KIF13A: variants seen among roughly 807,000 people sequenced by gnomAD.
KIF13A encodes kinesin-like protein KIF13A.
Under a neutral mutation model 212.2 loss-of-function variants are expected in KIF13A, and 79 were observed. That is an observed-to-expected ratio of 0.37 (90% CI 0.31 to 0.45). The LOEUF is 0.45. Among genes scored for constraint, KIF13A ranks in the 20% least tolerant of loss-of-function variants. The probability of loss-of-function intolerance (pLI) is 1.00; values close to 1 mark genes in which losing one functional copy is unlikely to be tolerated. For synonymous variants in KIF13A, 789 were observed against 808.6 expected, an observed-to-expected ratio of 0.98 and a Z score of 0.41; for missense variants, 1,901 against 2,209.0, an observed-to-expected ratio of 0.86 and a Z score of 2.79.
chr6:17,777,409 A>C lies in KIF13A; in HGVS notation c.4093-55T>G. The stretch of plus-strand genomic sequence containing the variant: ...TTTTTTTTTTTTTCCCCAGAGACAG[A>C]GTCTCACTCTGTTGCCCAGGCTGGA... On this transcript the variant is annotated intron_variant, in intron 33 of 38. Coordinates refer to ENST00000259711, the MANE Select transcript of KIF13A (RefSeq NM_022113.6). The surrounding 1 kb of genome is among the most constrained non-coding windows in gnomAD (Gnocchi z 4.4). 1 of 1,396,068 alleles carries C rather than the reference A, an allele frequency of 7.2e-7. No homozygotes were observed. The highest frequency in any genetic ancestry group is 2.5e-5 in the East Asian group (1 of 40,526). The allele number at this position is 1,396,068 out of a possible 1,614,324, so 86.5% of individuals were successfully genotyped here. A position where few individuals can be genotyped will look rare whatever the true frequency, so the allele number is the denominator to read the frequency against.
intron 2 of KIF13A, among the ~76,000 whole-genome samples, chr6:17,940,165 T>C (rs1776833805): frequency 7.3e-6 from 1 of 137,368 alleles, no homozygotes; most frequent in South Asian, 2.3e-4. Context: ...TTCTTTCCTT[T>C]CCTCCTCCTC....
intron 20 of KIF13A, among the ~76,000 whole-genome samples, chr6:17,802,491 T>C (rs1414755237): frequency 1.3e-5 from 2 of 152,106 alleles, no homozygotes; most frequent in African/African-American, 4.8e-5. Context: ...GGTTTCTCCA[T>C]GTTGGTCAGG....
chr6:17,863,624 A>C (rs1455532257), intron 4 of KIF13A, among the ~76,000 whole-genome samples: 1 of 152,156 alleles, frequency 6.6e-6, no homozygotes, highest in Non-Finnish European at 1.5e-5. Context: ...AAGCCTAAAA[A>C]GGCACTATGA....
chr6:17,926,484 G>C lies in KIF13A; in HGVS notation c.147-28304C>G, dbSNP rs903499637. ...CAGCCTCAAGTGATCTGCCTGCCTCGGCCTCCCAAAGTGCTGGTATTACAG... is the reference window on the plus strand; with the variant it reads ...CAGCCTCAAGTGATCTGCCTGCCTCCGCCTCCCAAAGTGCTGGTATTACAG... On this transcript the variant is annotated intron_variant, in intron 2 of 38. Coordinates refer to ENST00000259711, the MANE Select transcript of KIF13A (RefSeq NM_022113.6). The surrounding 1 kb of genome is among the most constrained non-coding windows in gnomAD (Gnocchi z 4.3). Among the ~76,000 whole-genome samples, 2 of 152,042 alleles carry C rather than the reference G, an allele frequency of 1.3e-5. No individual in the cohort carries two copies. The highest frequency in any genetic ancestry group is 2.4e-5 in the African/African-American group (1 of 41,392).
chr6:17,896,178 A>C (rs1380127956), intron 3 of KIF13A, among the ~76,000 whole-genome samples: 3 of 152,078 alleles, frequency 2.0e-5, no homozygotes, highest in East Asian at 1.9e-4. Context: ...TGGTTGAAAA[A>C]AATTTGCATA....
At chr6:17,972,452 T>C (rs1779886061) in intron 2 of KIF13A, among the ~76,000 whole-genome samples, 1 of 152,226 alleles carries the variant, frequency 6.6e-6, no homozygotes, top group Non-Finnish European at 1.5e-5. Flanking sequence ...CATTCTCTCT[T>C]TAGCTGGGAA....
At chr6:17,820,542 G>C (rs1227883715) in intron 16 of KIF13A, among the ~76,000 whole-genome samples, 1 of 152,150 alleles carries the variant, frequency 6.6e-6, no homozygotes, top group Non-Finnish European at 1.5e-5. Context: ...ATGTGGCCCA[G>C]GACGGAAGCC....
At chr6:17,782,598 G>T (rs1438894152) in intron 29 of KIF13A, among the ~76,000 whole-genome samples, 3 of 151,968 alleles carry the variant, frequency 2.0e-5, no homozygotes, top group Non-Finnish European at 4.4e-5. Context: ...TCATGCCACT[G>T]TACTCCAGCC....
chr6:17,759,183 T>C (rs1561938077), downstream of KIF13A: 1 of 152,136 alleles, frequency 6.6e-6, no homozygotes, highest in Non-Finnish European at 1.5e-5. Flanking sequence ...CATGCACACA[T>C]AGAAATATGG....
intron 2 of KIF13A, among the ~76,000 whole-genome samples, chr6:17,941,006 G>C (rs1236282138): frequency 1.3e-5 from 2 of 151,602 alleles, no homozygotes; most frequent in African/African-American, 4.8e-5. Flanking sequence ...TGTATTTTTA[G>C]TAGAGACAGG....
chr6:17,928,579 A>G (rs1775698757), intron 2 of KIF13A, among the ~76,000 whole-genome samples: 1 of 152,316 alleles, frequency 6.6e-6, no homozygotes, highest in East Asian at 1.9e-4. Flanking sequence ...TGCTGTATCT[A>G]TTATGCTACA....
intron 2 of KIF13A, among the ~76,000 whole-genome samples, chr6:17,917,511 G>A (rs1471219109): frequency 6.6e-6 from 1 of 152,076 alleles, no homozygotes; most frequent in African/African-American, 2.4e-5. Flanking sequence ...CAAGTGTTGG[G>A]ATCACAGGCG....
chr6:17,853,136 G>T (rs546474704), intron 6 of KIF13A, among the ~76,000 whole-genome samples: 1 of 152,240 alleles, frequency 6.6e-6, no homozygotes, highest in East Asian at 1.9e-4. Flanking sequence ...CCAAAGTCCT[G>T]GCATTGTTCC....
rs1049111102 is a variant in KIF13A, at chr6:17,982,534, A to G, written c.146+4520T>C. On this transcript the variant is annotated intron_variant, in intron 2 of 38. Transcript: ENST00000259711. This position sits in a 1 kb window ranked among gnomAD's most constrained non-coding sequence, Gnocchi z 5.1. Reference sequence around the variant, plus strand: ...CTCCCTCACACGATTTGCAAGGTGTATTGTTCATCCTGCCATATGGAAAAA... The same window carrying G: ...CTCCCTCACACGATTTGCAAGGTGTGTTGTTCATCCTGCCATATGGAAAAA... The G allele has an allele frequency of 3.5e-6, 2 of 574,324 alleles. No individual in the cohort carries two copies. Among genetic ancestry groups the G allele is most frequent in the Admixed American group, 6.3e-5 (1 of 15,756 alleles). 35.6% of individuals were successfully genotyped at this position (574,324 alleles called of 1,614,324 possible).
Position 17,849,482 on chromosome 6 carries a change from C to T in KIF13A, c.725G>A (p.Gly242Glu), listed in dbSNP as rs753377526. The change falls in exon 9 of 39, where the codon GGG becomes GAG. Residue 242 changes from glycine to glutamate, a missense_variant. Gly to Glu is a moderately conservative substitution (Grantham distance 98, BLOSUM62 -2). Around this residue, in one of 5 missense-constraint regions of KIF13A, gnomAD observed 506 missense variants for 637.4 expected, o/e 0.79. Transcript: ENST00000259711. The surrounding 1 kb of genome is among the most constrained non-coding windows in gnomAD (Gnocchi z 5.7). ...TLYDLQSGNS[G>E]EKVSKVSLVD... ...CAAGCTGACCTTACTGACTTTCTCC[C>T]CGGAATTCTAGTTATAGGAAACGAG... The T allele has an allele frequency of 1.9e-6, 3 of 1,612,766 alleles. No homozygotes were observed. The Admixed American group carries it at 5.0e-5, about 27-fold the overall frequency.
chr6:17,828,422 C>T lies in KIF13A; in HGVS notation c.1402-52G>A. ...AAACCCACATTTATGAGTAACTCAG[C>T]AAAAATGTATCACAATCAATTTGAA... On this transcript the variant is annotated intron_variant, in intron 13 of 38. Transcript: ENST00000259711. This position sits in a 1 kb window ranked among gnomAD's most constrained non-coding sequence, Gnocchi z 4.3. 1 of 1,518,200 alleles carries T rather than the reference C, an allele frequency of 6.6e-7. No homozygotes were observed. The highest frequency in any genetic ancestry group is 9.0e-7 in the Non-Finnish European group (1 of 1,110,816). 94.0% of individuals were successfully genotyped at this position (1,518,200 alleles called of 1,614,324 possible).
intron 22 of KIF13A, among the ~76,000 whole-genome samples, chr6:17,798,004 C>G (rs1762189793): frequency 6.6e-6 from 1 of 152,172 alleles, no homozygotes; most frequent in East Asian, 1.9e-4. Context: ...ACGAGCCAAG[C>G]TAATTTTCTT....
At chr6:17,907,903 T>G (rs1773666972) in intron 2 of KIF13A, among the ~76,000 whole-genome samples, 1 of 152,136 alleles carries the variant, frequency 6.6e-6, no homozygotes, top group Non-Finnish European at 1.5e-5. Flanking sequence ...GGGAATGACA[T>G]GGCCAGATCT....
intron 3 of KIF13A, among the ~76,000 whole-genome samples, chr6:17,880,010 T>G (rs1003724071): frequency 6.6e-6 from 1 of 152,184 alleles, no homozygotes; most frequent in East Asian, 1.9e-4. Flanking sequence ...CTCTGTCACC[T>G]AGGCTGGAAT....
Sources: gnomAD v4.1 joint callset for allele counts (sites outside exome capture counted in the v4.1 genomes callset) on GRCh38, gnomAD v4.1.1 for gene constraint, gnomAD v4.1.1 regional missense constraint, Gnocchi (gnomAD v3.1) non-coding constraint, MANE v1.5 for transcripts, NCBI Gene and HGNC (gene_info 2026-07-23, HGNC 2026-07-21) for gene names.